Variants in GNB1L observed in about 807,000 individuals in gnomAD.
GNB1L encodes guanine nucleotide-binding protein subunit beta-like protein 1.
In GNB1L, 20 loss-of-function variants were observed where a neutral mutation model predicts 29.1. That is an observed-to-expected ratio of 0.69 (90% CI 0.48 to 1.00). The LOEUF is 1.00. Ranked by LOEUF, GNB1L falls within the 50% of genes least tolerant of loss-of-function variation. GNB1L has a pLI of 0.00. For synonymous variants in GNB1L, 193 were observed against 206.5 expected (o/e 0.93, Z 0.56); for missense variants, 421 against 464.9 (o/e 0.91, Z 0.87).
intron 2 of GNB1L, chr22:19,848,827 G>C: frequency 1.0e-6 from 1 of 985,380 alleles, no homozygotes; most frequent in Non-Finnish European, 1.2e-6. Context: ...CCAGGCTGGA[G>C]TATCCACTTC....
At chr22:19,790,518 A>G (rs1479226195) in intron 7 of GNB1L, among the ~76,000 whole-genome samples, 1 of 152,132 alleles carries the variant, frequency 6.6e-6, no homozygotes, top group East Asian at 1.9e-4. Context: ...AAAGATCTAA[A>G]TATACTCAAC....
intron 5 of GNB1L, among the ~76,000 whole-genome samples, chr22:19,810,568 GCTGCCC>G (rs1937487935): frequency 6.6e-6 from 1 of 152,170 alleles, no homozygotes; most frequent in Non-Finnish European, 1.5e-5. Flanking sequence ...TCAGCCCGGG[GCTGCCC>G]CTGCCTGCGC....
chr22:19,791,722 G>C (rs1404665329), intron 7 of GNB1L, among the ~76,000 whole-genome samples: 2 of 152,202 alleles, frequency 1.3e-5, no homozygotes, highest in African/African-American at 4.8e-5. Flanking sequence ...AAGTTCAAGA[G>C]GTCAACAGTG....
intron 7 of GNB1L, among the ~76,000 whole-genome samples, chr22:19,790,955 T>G (rs1050567473): frequency 2.0e-5 from 3 of 152,060 alleles, no homozygotes; most frequent in Non-Finnish European, 2.9e-5. Flanking sequence ...AAGAGTACAA[T>G]TCCCAATGAA....
rs370968587 is a variant in GNB1L at position 19,851,229 on chromosome 22, G to A, written c.-21+3214C>T. 9 of 1,600,120 alleles carry A rather than the reference G, an allele frequency of 5.6e-6. No individual in the cohort carries two copies. In the African/African-American group the frequency reaches 8.0e-5, roughly 14 times the overall value. On this transcript the variant is annotated intron_variant, in intron 2 of 7. Transcript: ENST00000329517. Reference sequence around the variant, plus strand: ...TCCGGGGCCTCCACCACCTCCTGTGGGGTACCTAAGGACACCTCCTGGTCT... The same window carrying A: ...TCCGGGGCCTCCACCACCTCCTGTGAGGTACCTAAGGACACCTCCTGGTCT...
At position 19,817,346 on chromosome 22, in the gene GNB1L, C is replaced by T. The variant is rs144012477; in HGVS notation, c.254+3252G>A. On this transcript the variant is annotated intron_variant, in intron 4 of 7. Transcript: ENST00000329517. ...AAATACAAAAATTGGCTGGACGTAA[C>T]GGCACATGCCTCTTATCCCAGCTAC... Among the ~76,000 whole-genome samples, 466 of 152,188 alleles carry T rather than the reference C, an allele frequency of 3.1e-3. 5 individuals are homozygous for T. The highest frequency in any genetic ancestry group is 9.9e-3 in the African/African-American group (412 of 41,518).
Position 19,835,341 on chromosome 22 carries a change from T to C in GNB1L, c.-20-13966A>G, listed in dbSNP as rs562410813. Among the ~76,000 whole-genome samples, 18 of 146,696 alleles carry C rather than the reference T, an allele frequency of 1.2e-4. No individual in the cohort carries two copies. The South Asian group carries it at 3.6e-3, about 30-fold the overall frequency. On this transcript the variant is annotated intron_variant, in intron 2 of 7. Transcript: ENST00000329517. ...ATGGAGCACTCATCAAGATAGGCCA[T>C]ATCCTGGGTCATAAAAGAAACCTTA...
At chr22:19,796,572 A>G (rs1937308782) in intron 7 of GNB1L, among the ~76,000 whole-genome samples, 1 of 152,270 alleles carries the variant, frequency 6.6e-6, no homozygotes, top group South Asian at 2.1e-4. Flanking sequence ...ATTCAGAACC[A>G]TAAAAACATT....
chr22:19,847,116 A>T (rs1937979405), intron 2 of GNB1L: 1 of 985,420 alleles, frequency 1.0e-6, no homozygotes, highest in South Asian at 4.7e-5. Context: ...AAGTGGGGTG[A>T]CACACATTAC....
In GNB1L at chr22:19,827,195, C is replaced by T. The variant is rs182182186; in HGVS notation, c.-20-5820G>A. Among the ~76,000 whole-genome samples the T allele has an allele frequency of 8.0e-4, 122 of 152,216 alleles. 2 individuals are homozygous for T. The highest frequency in any genetic ancestry group is 1.3e-3 in the Non-Finnish European group (89 of 68,020). ...ATGTAGAAGAATGTCTTTATTCCTA[C>T]GAGATACATCCGAAAGTATTTAGGG... On this transcript the variant is annotated intron_variant, in intron 2 of 7. Coordinates refer to ENST00000329517, the MANE Select transcript of GNB1L (RefSeq NM_053004.3).
At position 19,854,504 on chromosome 22, in the gene GNB1L, C is replaced by G. The variant is rs933778047; in HGVS notation, c.-82G>C. 2.0e-5 allele frequency: 3 copies of G among 152,696 alleles called. No homozygotes were observed. The highest frequency in any genetic ancestry group is 6.5e-5 in the Admixed American group (1 of 15,286). 9.5% of individuals were successfully genotyped at this position (152,696 alleles called of 1,614,324 possible). A position where few individuals can be genotyped will look rare whatever the true frequency, so the allele number is the denominator to read the frequency against. ...GGATCCGTAGCCACAGACCGTGGGA[C>G]GGGCCTCCCTCTGAGGGCGAGAGTC... is the stretch of plus-strand genomic sequence containing the variant. On this transcript the variant is annotated 5_prime_UTR_variant, in exon 2 of 8. Coordinates refer to ENST00000329517, the MANE Select transcript of GNB1L (RefSeq NM_053004.3).
chr22:19,801,795 C>T (rs953961260), intron 7 of GNB1L, among the ~76,000 whole-genome samples: 2 of 152,224 alleles, frequency 1.3e-5, no homozygotes, highest in Admixed American at 1.3e-4. Context: ...GAGGTCTGGG[C>T]GAAACCCAAA....
At chr22:19,845,410 C>T (rs760868703) in intron 2 of GNB1L, among the ~76,000 whole-genome samples, 1 of 152,238 alleles carries the variant, frequency 6.6e-6, no homozygotes, top group Non-Finnish European at 1.5e-5. Context: ...TCCCCAGTCC[C>T]CTGCAGTGCT....
intron 2 of GNB1L, chr22:19,847,134 C>A: frequency 1.0e-6 from 1 of 985,432 alleles, no homozygotes; most frequent in Non-Finnish European, 1.2e-6. Context: ...TACTTGTGGC[C>A]TGCTGTGGCC....
chr22:19,848,653 A>C (rs1214488232), intron 2 of GNB1L: 2 of 985,180 alleles, frequency 2.0e-6, no homozygotes, highest in Non-Finnish European at 2.4e-6. Flanking sequence ...GGTCACCTGG[A>C]CTCTCCCAAG....
At chr22:19,852,799 G>A (rs1041004266) in intron 2 of GNB1L, among the ~76,000 whole-genome samples, 1 of 152,154 alleles carries the variant, frequency 6.6e-6, no homozygotes, top group Admixed American at 6.5e-5. Context: ...CTCCCCCACA[G>A]GAGGTTGGTA....
At chr22:19,802,238 T>G in intron 6 of GNB1L, 22 bp from the exon 7 acceptor site, 1 of 1,601,986 alleles carries the variant, frequency 6.2e-7, no homozygotes, top group Non-Finnish European at 8.5e-7. Context: ...AGCAGAGCAG[T>G]CAGCTCCTGG....
chr22:19,848,518 CAG>C (rs1938019253), intron 2 of GNB1L: 1 of 985,384 alleles, frequency 1.0e-6, no homozygotes, highest in South Asian at 4.7e-5. Context: ...AAGGCCATGC[CAG>C]AGTCCATCGT....
intron 6 of GNB1L, among the ~76,000 whole-genome samples, chr22:19,805,992 G>A (rs1392673075): frequency 6.6e-6 from 1 of 152,180 alleles, no homozygotes; most frequent in Non-Finnish European, 1.5e-5. Context: ...GCCAGTGCTG[G>A]CCTGAAGGGT....
Sources: allele counts gnomAD v4.1 joint callset (sites outside exome capture counted in the v4.1 genomes callset), GRCh38; gene constraint gnomAD v4.1.1; transcripts MANE v1.5; gene names NCBI Gene and HGNC (gene_info 2026-07-23, HGNC 2026-07-21).